The following CSMD1 variants were observed in gnomAD, a reference collection of about 807,000 sequenced individuals.
The protein encoded by CSMD1 is CUB and Sushi multiple domains 1.
In CSMD1, 213 loss-of-function variants were observed where a neutral mutation model predicts 417.5. The observed-to-expected ratio is 0.51, with a 90% confidence interval of 0.46 to 0.57. CSMD1 has a LOEUF of 0.57. Ranked by LOEUF, CSMD1 falls within the 20% of genes least tolerant of loss-of-function variation. CSMD1 has a pLI of 0.00. For missense variants in CSMD1, 6,923 were observed against 4,529.7 expected (o/e 1.53, Z -15.17); for synonymous variants, 2,862 against 1,736.8 (o/e 1.65, Z -16.11).
At chr8:3,132,187 C>G (rs543214101) in intron 41 of CSMD1, among the ~76,000 whole-genome samples, 1 of 152,300 alleles carries the variant, frequency 6.6e-6, no homozygotes, top group East Asian at 1.9e-4. Context: ...GCAGATATCT[C>G]AGTCACAGAG....
intron 26 of CSMD1, among the ~76,000 whole-genome samples, chr8:3,275,127 G>C (rs1314807720): frequency 6.6e-6 from 1 of 152,146 alleles, no homozygotes; most frequent in East Asian, 1.9e-4. Context: ...AGGCCTGGTA[G>C]TGACAAAATC....
At chr8:3,756,974 A>G (rs552843003) in intron 5 of CSMD1, among the ~76,000 whole-genome samples, 19 of 152,060 alleles carry the variant, frequency 1.2e-4, no homozygotes, top group Admixed American at 1.2e-3. Flanking sequence ...GTAATCTTTT[A>G]ATTTTTTGTA....
chr8:3,107,760 G>C lies in CSMD1; in HGVS notation c.6793C>G (p.Pro2265Ala), dbSNP rs1816243352. 1 of 1,591,456 alleles carries C rather than the reference G, an allele frequency of 6.3e-7. No homozygotes were observed. Among genetic ancestry groups the C allele is most frequent in the Non-Finnish European group, 8.5e-7 (1 of 1,172,816 alleles). Residue 2265 changes from proline (P) to alanine (A), a missense_variant, in exon 45 of 70, where the codon CCA (proline) becomes GCA (alanine). Pro to Ala is a conservative substitution (Grantham distance 27, BLOSUM62 -1). Coordinates refer to ENST00000635120, the MANE Select transcript of CSMD1 (RefSeq NM_033225.6). ...TCCTCAGTAAGCATTTCTGCCTGTG[G>C]AACCGCTGGGGGAGGTTGACATTTC... ...LKKCQPPPAVPQAEMLTEDDD... is the reference protein window; with the variant it reads ...LKKCQPPPAVAQAEMLTEDDD...
At chr8:4,784,124 G>A (rs562054295) in intron 1 of CSMD1, among the ~76,000 whole-genome samples, 2 of 152,190 alleles carry the variant, frequency 1.3e-5, no homozygotes, top group East Asian at 1.9e-4. Context: ...GATAGCCAAG[G>A]GTACACAGAA....
chr8:4,482,619 G>A (rs1277562608), intron 2 of CSMD1, among the ~76,000 whole-genome samples: 1 of 152,200 alleles, frequency 6.6e-6, no homozygotes, highest in African/African-American at 2.4e-5. Context: ...CCAGTAATGG[G>A]ATTGCTGGAT....
chr8:3,800,767 A>C (rs1310812475), intron 5 of CSMD1, among the ~76,000 whole-genome samples: 2 of 152,090 alleles, frequency 1.3e-5, no homozygotes, highest in African/African-American at 4.8e-5. Flanking sequence ...GTTTTTAAGC[A>C]AATTCCCTCC....
At chr8:3,208,430 C>T (rs932758420) in intron 30 of CSMD1, among the ~76,000 whole-genome samples, 4 of 152,084 alleles carry the variant, frequency 2.6e-5, no homozygotes, top group African/African-American at 9.7e-5. Context: ...CCACACACAG[C>T]TAATTTTTGT....
chr8:4,179,110 G>A lies in CSMD1; in HGVS notation c.416-147011C>T, dbSNP rs182952296. On this transcript the variant is annotated intron_variant, in intron 3 of 69. Transcript: ENST00000635120. ...TTCATATGGAAACAAAAAAGAGCCCGCATCGCCAAGTCAATCCTAAGCCAA... is the reference window on the plus strand; with the variant it reads ...TTCATATGGAAACAAAAAAGAGCCCACATCGCCAAGTCAATCCTAAGCCAA... 4.7e-3 allele frequency among the ~76,000 whole-genome samples: 714 copies of A among 152,202 alleles called. 4 individuals are homozygous for A. Among genetic ancestry groups the A allele is most frequent in the Middle Eastern group, 0.024 (7 of 294 alleles).
chr8:4,150,456 G>C (rs572496225), intron 3 of CSMD1, among the ~76,000 whole-genome samples: 1 of 152,046 alleles, frequency 6.6e-6, no homozygotes, highest in South Asian at 2.1e-4. Flanking sequence ...CTTTTACCGG[G>C]GCTTAGAACT....
At chr8:3,371,911 G>A (rs552351157) in intron 18 of CSMD1, among the ~76,000 whole-genome samples, 75 of 152,302 alleles carry the variant, frequency 4.9e-4, no homozygotes, top group African/African-American at 1.7e-3. Flanking sequence ...TGAAATTAAT[G>A]TATTCAACAA....
chr8:3,506,833 T>A (rs1796847741), intron 10 of CSMD1, among the ~76,000 whole-genome samples: 1 of 152,206 alleles, frequency 6.6e-6, no homozygotes, highest in African/African-American at 2.4e-5. Context: ...TCTTAAATTT[T>A]AAAAACACCA....
At chr8:3,487,630 C>T (rs963144938) in intron 11 of CSMD1, among the ~76,000 whole-genome samples, 1 of 152,126 alleles carries the variant, frequency 6.6e-6, no homozygotes, top group East Asian at 1.9e-4. Flanking sequence ...GAATTCTTAA[C>T]GTTTATCTAC....
intron 12 of CSMD1, among the ~76,000 whole-genome samples, chr8:3,410,804 T>TCA: frequency 6.6e-6 from 1 of 152,238 alleles, no homozygotes; most frequent in East Asian, 1.9e-4. Flanking sequence ...AGTGATGTGA[T>TCA]CATAGCTCAC....
At chr8:4,899,699 T>C (rs1261405362) in intron 1 of CSMD1, among the ~76,000 whole-genome samples, 1 of 152,172 alleles carries the variant, frequency 6.6e-6, no homozygotes, top group Non-Finnish European at 1.5e-5. Flanking sequence ...ATGTGTATAG[T>C]TAAAAATTTC....
intron 5 of CSMD1, among the ~76,000 whole-genome samples, chr8:3,772,360 T>TGTACATATATTTAGAC (rs1798631748): frequency 4.6e-5 from 3 of 65,306 alleles, no homozygotes; most frequent in African/African-American, 1.4e-4. Flanking sequence ...TATATTTATA[T>TGTACATATATTTAGAC]ATACATATAT....
chr8:4,903,221 C>G (rs531610410), intron 1 of CSMD1, among the ~76,000 whole-genome samples: 15 of 152,240 alleles, frequency 9.9e-5, no homozygotes, highest in African/African-American at 3.6e-4. Context: ...TTCTCTCTGA[C>G]CAACCCTGCA....
chr8:4,572,764 T>C (rs554963870), intron 2 of CSMD1, among the ~76,000 whole-genome samples: 5 of 152,324 alleles, frequency 3.3e-5, no homozygotes, highest in East Asian at 3.9e-4. Context: ...CAATCAATCA[T>C]AGATTTGGTA....
chr8:4,164,669 G>C (rs944400605), intron 3 of CSMD1, among the ~76,000 whole-genome samples: 2 of 152,050 alleles, frequency 1.3e-5, no homozygotes, highest in Non-Finnish European at 2.9e-5. Flanking sequence ...ATTGAATTTT[G>C]AGAATATAAG....
intron 3 of CSMD1, among the ~76,000 whole-genome samples, chr8:4,320,988 A>G (rs115000684): frequency 6.6e-6 from 1 of 152,138 alleles, no homozygotes; most frequent in Admixed American, 6.5e-5. Flanking sequence ...TTGCCTCCTT[A>G]TACCAGTTTC....
Sources: allele counts gnomAD v4.1 joint callset (sites outside exome capture counted in the v4.1 genomes callset), GRCh38; gene constraint gnomAD v4.1.1; transcripts MANE v1.5; gene names NCBI Gene and HGNC (gene_info 2026-07-23, HGNC 2026-07-21).